The following PPME1 variants were observed in gnomAD, a reference collection of about 807,000 sequenced individuals.
PPME1 encodes testicular secretory protein Li 39.
PPME1 carries 17 observed loss-of-function variants against 56.9 expected under a neutral mutation model. That is an observed-to-expected ratio of 0.30 (90% CI 0.20 to 0.45). The LOEUF is 0.45. Ranked by LOEUF, PPME1 falls within the 20% of genes least tolerant of loss-of-function variation. The probability of loss-of-function intolerance (pLI) is 1.00; values close to 1 mark genes in which losing one functional copy is unlikely to be tolerated. For synonymous variants in PPME1, 122 were observed against 156.2 expected, an observed-to-expected ratio of 0.78 and a Z score of 1.63; for missense variants, 357 against 483.2, an observed-to-expected ratio of 0.74 and a Z score of 2.45.
At chr11:74,196,911 C>A (rs574946919) in intron 1 of PPME1, among the ~76,000 whole-genome samples, 1 of 152,286 alleles carries the variant, frequency 6.6e-6, no homozygotes, top group East Asian at 1.9e-4. Flanking sequence ...GTTTAGTAAA[C>A]ATTATTAATT....
At chr11:74,215,136 A>G (rs1858595636) in intron 3 of PPME1, among the ~76,000 whole-genome samples, 1 of 152,192 alleles carries the variant, frequency 6.6e-6, no homozygotes, top group East Asian at 1.9e-4. Flanking sequence ...GCTTGAGCCC[A>G]GGAATTTGAG....
At chr11:74,233,701 A>G (rs573828967) in intron 7 of PPME1, among the ~76,000 whole-genome samples, 33 of 152,198 alleles carry the variant, frequency 2.2e-4, no homozygotes, top group Non-Finnish European at 3.8e-4. Context: ...ATGTGCCTAT[A>G]GTCCCAGCTA....
intron 1 of PPME1, among the ~76,000 whole-genome samples, chr11:74,190,262 G>A (rs186065652): frequency 4.6e-5 from 7 of 152,304 alleles, no homozygotes; most frequent in East Asian, 1.9e-4. Flanking sequence ...CAATGCTGGA[G>A]GTAGGGCCCA....
chr11:74,210,734 C>T (rs901489989), intron 3 of PPME1, among the ~76,000 whole-genome samples: 1 of 152,294 alleles, frequency 6.6e-6, no homozygotes, highest in African/African-American at 2.4e-5. Context: ...GCAGCAGGAC[C>T]AGATGCTGGT....
rs576216786 is a variant in PPME1 at position 74,191,789 on chromosome 11, C to A, written c.102-11939C>A. Among the ~76,000 whole-genome samples the A allele has an allele frequency of 5.3e-5, 8 of 152,160 alleles. No individual in the cohort carries two copies. The East Asian group carries it at 1.5e-3, about 29-fold the overall frequency. ...GGTAAGCCTGCATGCACATAGAATG[C>A]GAGAGTGAGGAAGGCTAGGTAGCTT... On this transcript the variant is annotated intron_variant, in intron 1 of 13. Transcript: ENST00000328257.
chr11:74,186,135 C>T (rs1565376454), intron 1 of PPME1, among the ~76,000 whole-genome samples: 1 of 152,276 alleles, frequency 6.6e-6, no homozygotes, highest in Non-Finnish European at 1.5e-5. Context: ...AATTAGAACT[C>T]TTTAAGAAGG....
intron 1 of PPME1, among the ~76,000 whole-genome samples, chr11:74,182,310 C>T (rs1430707131): frequency 1.3e-5 from 2 of 151,904 alleles, no homozygotes; most frequent in Non-Finnish European, 2.9e-5. Flanking sequence ...TGGAAACTTA[C>T]TGTATTTCCT....
chr11:74,247,930 A>G (rs1859549821), intron 11 of PPME1: 1 of 152,634 alleles, frequency 6.6e-6, no homozygotes, highest in African/African-American at 2.4e-5. Flanking sequence ...CTGAGTTTTG[A>G]ATACTGCTTT....
intron 9 of PPME1, among the ~76,000 whole-genome samples, chr11:74,239,459 C>T (rs1039529295): frequency 6.6e-5 from 10 of 152,034 alleles, no homozygotes; most frequent in African/African-American, 2.2e-4. Flanking sequence ...ATAAAACTTA[C>T]GCTATATACC....
chr11:74,241,413 A>C (rs1859357223), intron 9 of PPME1, among the ~76,000 whole-genome samples: 1 of 152,070 alleles, frequency 6.6e-6, no homozygotes, highest in Non-Finnish European at 1.5e-5. Flanking sequence ...GGTTGTTTCC[A>C]CTTTTTGTCT....
At chr11:74,232,394 C>T (rs1321027708) in intron 7 of PPME1, among the ~76,000 whole-genome samples, 1 of 152,198 alleles carries the variant, frequency 6.6e-6, no homozygotes, top group Non-Finnish European at 1.5e-5. Flanking sequence ...ATATCCTAGG[C>T]GTTTTCCTAG....
rs1857849099 is a variant in PPME1, at chr11:74,191,856, C to T, written c.102-11872C>T. ...GCATATATGAGAAAGCCAGGGTGCC[C>T]AGGTAGAAGCCTGCTGCAAGGGCAG... is the stretch of plus-strand genomic sequence containing the variant. On this transcript the variant is annotated intron_variant, in intron 1 of 13. Coordinates refer to ENST00000328257, the MANE Select transcript of PPME1 (RefSeq NM_016147.3). Among the ~76,000 whole-genome samples, 3 of 152,214 alleles carry T rather than the reference C, an allele frequency of 2.0e-5. No homozygotes were observed. The South Asian group carries it at 6.2e-4, about 31-fold the overall frequency.
At chr11:74,187,110 C>T (rs1010671660) in intron 1 of PPME1, among the ~76,000 whole-genome samples, 6 of 152,256 alleles carry the variant, frequency 3.9e-5, no homozygotes, top group African/African-American at 1.4e-4. Flanking sequence ...ATTTATATAT[C>T]GATCAGTATA....
At chr11:74,235,395 C>T (rs1859166488) in intron 7 of PPME1, among the ~76,000 whole-genome samples, 1 of 152,096 alleles carries the variant, frequency 6.6e-6, no homozygotes, top group Non-Finnish European at 1.5e-5. Context: ...ACCCAGTTCT[C>T]TAAAATCATT....
intron 3 of PPME1, among the ~76,000 whole-genome samples, chr11:74,220,108 T>G (rs763473165): frequency 6.6e-6 from 1 of 152,178 alleles, no homozygotes; most frequent in Non-Finnish European, 1.5e-5. Context: ...AAATTAAGTT[T>G]GAGGATATCA....
rs765651711 is a variant in PPME1 at position 74,204,430 on chromosome 11, T to G, written c.273T>G (p.Ser91=). 1 of 1,612,146 alleles carries G rather than the reference T, an allele frequency of 6.2e-7. No individual in the cohort carries two copies. The highest frequency in any genetic ancestry group is 2.2e-5 in the East Asian group (1 of 44,864). The change falls in exon 3 of 14, where the codon TCT becomes TCG. Residue 91 remains serine (S), a synonymous_variant. Coordinates refer to ENST00000328257, the MANE Select transcript of PPME1 (RefSeq NM_016147.3). ...ATGGAGGAGGTCATTCTGCCCTTTC[T>G]TGGGCTGTGTTCACGGTAAGTAGGT... is the stretch of plus-strand genomic sequence containing the variant. ...LLHGGGHSAL[S]WAVFTAAIIS... is the part of the protein sequence containing the mutation.
intron 1 of PPME1, among the ~76,000 whole-genome samples, chr11:74,181,191 C>T (rs934956150): frequency 2.0e-5 from 3 of 151,692 alleles, no homozygotes; most frequent in Non-Finnish European, 2.9e-5. Context: ...ACTACAGGCG[C>T]CTGCCACCGC....
chr11:74,212,427 C>T (rs569998612), intron 3 of PPME1, among the ~76,000 whole-genome samples: 1 of 152,228 alleles, frequency 6.6e-6, no homozygotes, highest in African/African-American at 2.4e-5. Flanking sequence ...CAGACTAGGC[C>T]ACAAGGACTG....
intron 3 of PPME1, among the ~76,000 whole-genome samples, chr11:74,216,579 A>G (rs1321037026): frequency 6.6e-6 from 1 of 152,186 alleles, no homozygotes; most frequent in East Asian, 1.9e-4. Flanking sequence ...TGCATCCTAA[A>G]GAATTAGAAG....
Sources: gnomAD v4.1 joint callset for allele counts (sites outside exome capture counted in the v4.1 genomes callset) on GRCh38, gnomAD v4.1.1 for gene constraint, MANE v1.5 for transcripts, NCBI Gene and HGNC (gene_info 2026-07-23, HGNC 2026-07-21) for gene names.